CTNNA3: variants seen among roughly 807,000 people sequenced by gnomAD.
The protein encoded by CTNNA3 is catenin alpha-3.
A neutral mutation model predicts 95.7 loss-of-function variants in CTNNA3; 76 were observed. The ratio of observed to expected loss-of-function variants is 0.79; its 90% CI spans 0.66 to 0.96. CTNNA3 has a LOEUF of 0.96. Ranked by LOEUF, CTNNA3 falls within the 40% of genes least tolerant of loss-of-function variation. The probability of loss-of-function intolerance (pLI) is 0.00; values close to 1 mark genes in which losing one functional copy is unlikely to be tolerated. For synonymous variants in CTNNA3, 431 were observed against 374.4 expected (o/e 1.15, Z -1.74); for missense variants, 1,191 against 1,089.8 (o/e 1.09, Z -1.31).
intron 15 of CTNNA3, among the ~76,000 whole-genome samples, chr10:65,989,422 T>G (rs183606285): frequency 2.5e-3 from 380 of 152,290 alleles, no homozygotes; most frequent in African/African-American, 8.5e-3. Flanking sequence ...ATACCCTTCA[T>G]AGACCTAGAT....
chr10:67,589,276 T>G (rs1842725591), intron 3 of CTNNA3, among the ~76,000 whole-genome samples: 1 of 152,176 alleles, frequency 6.6e-6, no homozygotes, highest in Non-Finnish European at 1.5e-5. Context: ...TCAGACATTA[T>G]TACAGCTATT....
chr10:67,236,254 A>T (rs1410280023), intron 5 of CTNNA3, among the ~76,000 whole-genome samples: 3 of 150,604 alleles, frequency 2.0e-5, no homozygotes, highest in Non-Finnish European at 4.4e-5. Context: ...AAGACTTGGA[A>T]CCAACCCAAA....
intron 5 of CTNNA3, among the ~76,000 whole-genome samples, chr10:67,379,386 T>C (rs1413655244): frequency 1.3e-5 from 2 of 152,192 alleles, no homozygotes; most frequent in African/African-American, 4.8e-5. Context: ...GCAACTATGA[T>C]CATTATATGC....
chr10:66,333,568 G>C (rs953932807), intron 12 of CTNNA3, among the ~76,000 whole-genome samples: 5 of 152,036 alleles, frequency 3.3e-5, no homozygotes, highest in African/African-American at 1.2e-4. Context: ...CTGAGTTCGA[G>C]TTTGATTGCA....
At chr10:66,833,804 T>C (rs1400449922) in intron 7 of CTNNA3, among the ~76,000 whole-genome samples, 1 of 152,174 alleles carries the variant, frequency 6.6e-6, no homozygotes, top group African/African-American at 2.4e-5. Flanking sequence ...TCCTCTTCCA[T>C]GTGTTTTCTC....
At chr10:67,493,194 C>T (rs1050365641) in intron 5 of CTNNA3, among the ~76,000 whole-genome samples, 1 of 150,100 alleles carries the variant, frequency 6.7e-6, no homozygotes, top group Non-Finnish European at 1.5e-5. Flanking sequence ...AGAAGCTTCA[C>T]CTAGCTCAAC....
intron 12 of CTNNA3, among the ~76,000 whole-genome samples, chr10:66,359,042 C>T (rs2394202): frequency 0.89 from 135,185 of 152,236 alleles, 60,524 homozygotes; most frequent in East Asian, 1. Context: ...TGCTCTCCTT[C>T]TCAGCACTTA....
At chr10:66,225,414 TA>T (rs2089229421) in intron 13 of CTNNA3, among the ~76,000 whole-genome samples, 1 of 144,906 alleles carries the variant, frequency 6.9e-6, no homozygotes, top group East Asian at 2.0e-4. Flanking sequence ...TATATATATA[TA>T]TATATATGAA....
intron 9 of CTNNA3, among the ~76,000 whole-genome samples, chr10:66,654,311 C>G (rs1846004141): frequency 6.6e-6 from 1 of 152,012 alleles, no homozygotes; most frequent in Non-Finnish European, 1.5e-5. Flanking sequence ...AAACATTTCT[C>G]CAAAGAAGTC....
At chr10:66,573,004 C>A (rs1842914292) in intron 10 of CTNNA3, among the ~76,000 whole-genome samples, 1 of 152,094 alleles carries the variant, frequency 6.6e-6, no homozygotes, top group South Asian at 2.1e-4. Context: ...AATGCTGGGG[C>A]TCTGATTACA....
At chr10:67,246,543 A>C (rs1041584250) in intron 5 of CTNNA3, among the ~76,000 whole-genome samples, 2 of 152,160 alleles carry the variant, frequency 1.3e-5, no homozygotes, top group Admixed American at 1.3e-4. Flanking sequence ...CATCAAGTTG[A>C]CTTTATGACT....
intron 17 of CTNNA3, among the ~76,000 whole-genome samples, chr10:65,948,302 AAG>A (rs371953399): frequency 0.019 from 2,872 of 150,524 alleles, 109 homozygotes; most frequent in African/African-American, 0.067. Context: ...AAAAAAAAGA[AAG>A]AAAGAAATAC....
chr10:67,170,444 A>T (rs1269731877), intron 7 of CTNNA3, among the ~76,000 whole-genome samples: 2 of 152,230 alleles, frequency 1.3e-5, no homozygotes, highest in African/African-American at 2.4e-5. Context: ...GCTATAAAAA[A>T]TAATGAGATC....
intron 10 of CTNNA3, 41 bp downstream of exon 10, chr10:66,621,651 A>G: frequency 1.7e-6 from 2 of 1,171,158 alleles, no homozygotes; most frequent in South Asian, 1.3e-5. Context: ...ATTAGGAATT[A>G]TATATAATTT....
intron 9 of CTNNA3, among the ~76,000 whole-genome samples, chr10:66,663,532 C>T (rs1846336486): frequency 6.6e-6 from 1 of 151,418 alleles, no homozygotes; most frequent in South Asian, 2.1e-4. Context: ...TTGCTTTTCA[C>T]CTAGGCTTAA....
rs1451071914 is a variant in CTNNA3, at chr10:67,237,173, T to TACACAC, written c.580-17309_580-17304dup. On this transcript the variant is annotated intron_variant, in intron 5 of 17. Transcript: ENST00000433211. ...ATATATATATATATATATATATATA[T>TACACAC]ACACACACAATGGAATACTACTCAG... is the stretch of plus-strand genomic sequence containing the variant. Among the ~76,000 whole-genome samples the TACACAC allele has an allele frequency of 6.2e-5, 7 of 112,832 alleles. No individual in the cohort carries two copies. The South Asian group carries it at 1.9e-3, about 30-fold the overall frequency. 74.0% of individuals were successfully genotyped at this position (112,832 alleles called of 152,430 possible). A position where few individuals can be genotyped will look rare whatever the true frequency, so the allele number is the denominator to read the frequency against.
intron 9 of CTNNA3, among the ~76,000 whole-genome samples, chr10:66,725,595 C>T (rs1848755831): frequency 6.6e-6 from 1 of 152,140 alleles, no homozygotes; most frequent in South Asian, 2.1e-4. Flanking sequence ...AGCAATTCTA[C>T]ACTGGTATAA....
intron 14 of CTNNA3, among the ~76,000 whole-genome samples, chr10:66,090,813 C>T (rs1214560847): frequency 1.7e-4 from 26 of 151,902 alleles, no homozygotes; most frequent in Admixed American, 1.7e-3. Context: ...GTTTAGAGTG[C>T]TATATAGCCT....
chr10:66,676,705 C>G (rs1206674358), intron 9 of CTNNA3, among the ~76,000 whole-genome samples: 1 of 152,074 alleles, frequency 6.6e-6, no homozygotes, highest in Non-Finnish European at 1.5e-5. Flanking sequence ...CCACCAGGAT[C>G]TATTTGAAAT....
Sources: gnomAD v4.1 joint callset for allele counts (sites outside exome capture counted in the v4.1 genomes callset) on GRCh38, gnomAD v4.1.1 for gene constraint, MANE v1.5 for transcripts, NCBI Gene and HGNC (gene_info 2026-07-23, HGNC 2026-07-21) for gene names.